The following LOC400499 variants were observed in gnomAD, a reference collection of about 807,000 sequenced individuals.
At chr16:11,427,140 C>T in the LOC400499 span, among the ~76,000 whole-genome samples, 1 of 151,266 alleles carries the variant, frequency 6.6e-6, no homozygotes, top group Non-Finnish European at 1.5e-5. Context: ...GGTGGGTCAC[C>T]TGAGCTCAGG....
the LOC400499 span, among the ~76,000 whole-genome samples, chr16:11,388,202 GGCACCCCCA>G: frequency 6.6e-6 from 1 of 152,082 alleles, no homozygotes; most frequent in African/African-American, 2.4e-5. Context: ...TCCATGTTTT[GGCACCCCCA>G]CCTAGCAGTG....
the LOC400499 span, chr16:11,398,410 G>C: frequency 1.1e-5 from 14 of 1,232,168 alleles, no homozygotes; most frequent in Non-Finnish European, 1.4e-5. Context: ...TAGTCAGTCT[G>C]TACTTCTCCC....
chr16:11,398,859 C>T, the LOC400499 span, among the ~76,000 whole-genome samples: 1 of 152,088 alleles, frequency 6.6e-6, no homozygotes, highest in Non-Finnish European at 1.5e-5. Context: ...TGGGGTTTCG[C>T]CATGTTGGCC....
the LOC400499 span, chr16:11,414,222 T>G: frequency 2.5e-6 from 1 of 398,280 alleles, no homozygotes; most frequent in East Asian, 3.6e-5. Flanking sequence ...TGTCAAGTAC[T>G]GGGGAAACCC....
the LOC400499 span, among the ~76,000 whole-genome samples, chr16:11,522,474 C>A: frequency 6.6e-6 from 1 of 152,088 alleles, no homozygotes; most frequent in African/African-American, 2.4e-5. Context: ...CCTTTACCCA[C>A]AAGATGCCAG....
chr16:11,405,565 C>T, the LOC400499 span, among the ~76,000 whole-genome samples: 1 of 152,160 alleles, frequency 6.6e-6, no homozygotes, highest in African/African-American at 2.4e-5. Context: ...GGGACGCCGT[C>T]CCTGCTGGTG....
At chr16:11,411,576 C>A in the LOC400499 span, among the ~76,000 whole-genome samples, 24 of 152,166 alleles carry the variant, frequency 1.6e-4, no homozygotes, top group Non-Finnish European at 2.8e-4. Flanking sequence ...CTAGCTCTGG[C>A]ACCAGGAGCA....
the LOC400499 span, chr16:11,460,896 C>T: frequency 2.1e-6 from 3 of 1,450,914 alleles, no homozygotes. Flanking sequence ...CACGGAGCCA[C>T]AGCCCTAGGA....
chr16:11,395,103 G>A, the LOC400499 span, among the ~76,000 whole-genome samples: 1 of 152,178 alleles, frequency 6.6e-6, no homozygotes, highest in African/African-American at 2.4e-5. Flanking sequence ...GGCAGGGGAC[G>A]GTCTGCAGAC....
At chr16:11,457,941 C>A in the LOC400499 span, among the ~76,000 whole-genome samples, 1 of 152,206 alleles carries the variant, frequency 6.6e-6, no homozygotes, top group Non-Finnish European at 1.5e-5. Flanking sequence ...GTGGCTCACA[C>A]CTGTAATCCC....
At chr16:11,374,743 T>A in the LOC400499 span, among the ~76,000 whole-genome samples, 3 of 152,236 alleles carry the variant, frequency 2.0e-5, no homozygotes, top group South Asian at 2.1e-4. Flanking sequence ...GTTGCTGCTG[T>A]CTTCTGGCCG....
the LOC400499 span, chr16:11,494,662 C>A: frequency 2.5e-6 from 1 of 399,506 alleles, no homozygotes; most frequent in Non-Finnish European, 4.4e-6. Context: ...CTCCAGGCAG[C>A]TGGCCGCAGG....
At chr16:11,469,017 C>T in the LOC400499 span, among the ~76,000 whole-genome samples, 6 of 152,142 alleles carry the variant, frequency 3.9e-5, no homozygotes, top group African/African-American at 1.4e-4. Flanking sequence ...CTTGTTTATA[C>T]ATTTCTGGGT....
chr16:11,463,755 G>A, the LOC400499 span, among the ~76,000 whole-genome samples: 1 of 152,096 alleles, frequency 6.6e-6, no homozygotes, highest in Non-Finnish European at 1.5e-5. Context: ...ATATGGATGT[G>A]TGTATATATG....
the LOC400499 span, among the ~76,000 whole-genome samples, chr16:11,428,574 C>T: frequency 5.3e-5 from 8 of 152,290 alleles, no homozygotes; most frequent in East Asian, 1.5e-3. Flanking sequence ...TGAGAACGAA[C>T]AGAGGACGCT....
chr16:11,512,434 C>T, the LOC400499 span, among the ~76,000 whole-genome samples: 1 of 151,878 alleles, frequency 6.6e-6, no homozygotes, highest in Admixed American at 6.6e-5. Flanking sequence ...GAAACCCCAT[C>T]TCTACTAAAA....
At chr16:11,484,335 G>C in the LOC400499 span, among the ~76,000 whole-genome samples, 1 of 152,134 alleles carries the variant, frequency 6.6e-6, no homozygotes, top group Non-Finnish European at 1.5e-5. Context: ...GGATCTGGAA[G>C]AGACTTTTGG....
the LOC400499 span, among the ~76,000 whole-genome samples, chr16:11,409,008 C>T: frequency 6.6e-6 from 1 of 151,910 alleles, no homozygotes; most frequent in East Asian, 1.9e-4. Context: ...TGCCTGTAAT[C>T]CCAGCACTTT....
chr16:11,391,891 G>T, the LOC400499 span: 1 of 1,147,256 alleles, frequency 8.7e-7, no homozygotes, highest in Non-Finnish European at 1.1e-6. Context: ...CAGAATCAGG[G>T]TGAGGTCCAG....
Sources: gnomAD v4.1 joint callset for allele counts (sites outside exome capture counted in the v4.1 genomes callset) on GRCh38, gnomAD v4.1.1 for gene constraint, MANE v1.5 for transcripts.